ZDHHC21: variants seen among roughly 807,000 people sequenced by gnomAD.
ZDHHC21 encodes zDHHC palmitoyltransferase 21.
A neutral mutation model predicts 34.6 loss-of-function variants in ZDHHC21; 15 were observed. The ratio of observed to expected loss-of-function variants is 0.43; its 90% CI spans 0.29 to 0.67. ZDHHC21 has a LOEUF of 0.67. Ranked by LOEUF, ZDHHC21 falls within the 30% of genes least tolerant of loss-of-function variation. The probability of loss-of-function intolerance (pLI) is 0.14; values close to 1 mark genes in which losing one functional copy is unlikely to be tolerated. For synonymous variants in ZDHHC21, 142 were observed against 101.8 expected, an observed-to-expected ratio of 1.40 and a Z score of -2.38; for missense variants, 344 against 327.7, an observed-to-expected ratio of 1.05 and a Z score of -0.38.
intron 8 of ZDHHC21, among the ~76,000 whole-genome samples, chr9:14,626,850 A>G (rs1826326084): frequency 6.6e-6 from 1 of 152,112 alleles, no homozygotes; most frequent in Admixed American, 6.5e-5. Context: ...TCTAGGTTTT[A>G]AAAAAGCTAT....
At chr9:14,672,175 A>T (rs1835588287) in intron 5 of ZDHHC21, among the ~76,000 whole-genome samples, 1 of 152,122 alleles carries the variant, frequency 6.6e-6, no homozygotes, top group South Asian at 2.1e-4. Context: ...TAAAATCACC[A>T]AAGTATTAGG....
intron 8 of ZDHHC21, among the ~76,000 whole-genome samples, chr9:14,632,066 C>CA (rs2133595529): frequency 6.6e-6 from 1 of 150,572 alleles, no homozygotes; most frequent in African/African-American, 2.4e-5. Flanking sequence ...CACACACAAA[C>CA]ACACACACAC....
chr9:14,600,444 A>T, the ZDHHC21 span, among the ~76,000 whole-genome samples: 4 of 152,214 alleles, frequency 2.6e-5, no homozygotes, highest in Admixed American at 2.6e-4. Flanking sequence ...ACAACTTACA[A>T]GGAATGTGAA....
Position 14,659,173 on chromosome 9 carries a change from A to G in ZDHHC21, c.366-286T>C, listed in dbSNP as rs752986790. Among the ~76,000 whole-genome samples the G allele has an allele frequency of 2.0e-5, 3 of 152,130 alleles. No homozygotes were observed. The East Asian group carries it at 5.8e-4, about 29-fold the overall frequency. ...GACGGTAGTCTCCTGTGTCACTGAT[A>G]TGGAAACAGGGAACAAAGGAGCTAA... On this transcript the variant is annotated intron_variant, in intron 6 of 9. Transcript: ENST00000380916.
chr9:14,640,740 T>C (rs1829235249), intron 7 of ZDHHC21, among the ~76,000 whole-genome samples: 1 of 152,160 alleles, frequency 6.6e-6, no homozygotes, highest in Non-Finnish European at 1.5e-5. Flanking sequence ...TGCAGAGTAC[T>C]GTAGAAACAT....
intron 7 of ZDHHC21, among the ~76,000 whole-genome samples, chr9:14,645,628 A>G (rs962734495): frequency 6.6e-6 from 1 of 152,138 alleles, no homozygotes; most frequent in Non-Finnish European, 1.5e-5. Context: ...ACCTCTGTTT[A>G]CCAAAAAATG....
At chr9:14,590,849 GA>G in the ZDHHC21 span, among the ~76,000 whole-genome samples, 5 of 152,088 alleles carry the variant, frequency 3.3e-5, no homozygotes, top group Non-Finnish European at 7.4e-5. Flanking sequence ...AAATTTGAAA[GA>G]TATTTTTCCT....
At chr9:14,621,141 A>T (rs1394824917) in intron 8 of ZDHHC21, among the ~76,000 whole-genome samples, 3 of 152,074 alleles carry the variant, frequency 2.0e-5, no homozygotes, top group Admixed American at 6.6e-5. Context: ...AACAACTTAC[A>T]CAAAAGTACG....
At chr9:14,663,987 T>C (rs538227555) in intron 5 of ZDHHC21, among the ~76,000 whole-genome samples, 2 of 152,138 alleles carry the variant, frequency 1.3e-5, no homozygotes, top group East Asian at 1.9e-4. Context: ...TGTTAAAACT[T>C]TGAATTCGGG....
At position 14,613,370 on chromosome 9, in the gene ZDHHC21, TG is replaced by T; in HGVS notation, c.*5595del. On this transcript the variant is annotated 3_prime_UTR_variant, in exon 10 of 10. Transcript: ENST00000380916. ...GAATAGCACCAGGATGTTTTATAGT[TG>T]TTGAGGTTATAAAACACGAACTTCA... 6.6e-6 allele frequency: 1 copy of T among 151,856 alleles called. No individual in the cohort carries two copies. Among genetic ancestry groups the T allele is most frequent in the African/African-American group, 2.4e-5 (1 of 41,418 alleles). 9.4% of individuals were successfully genotyped at this position (151,856 alleles called of 1,614,324 possible).
At chr9:14,603,815 G>A in the ZDHHC21 span, among the ~76,000 whole-genome samples, 12 of 152,204 alleles carry the variant, frequency 7.9e-5, no homozygotes, top group African/African-American at 2.6e-4. Flanking sequence ...TAGAGGGGTC[G>A]AACTCTAAGT....
chr9:14,646,069 T>C (rs1036044018), intron 7 of ZDHHC21, among the ~76,000 whole-genome samples: 2 of 152,158 alleles, frequency 1.3e-5, no homozygotes, highest in African/African-American at 2.4e-5. Context: ...GTGAAACACA[T>C]GCACATGGAC....
chr9:14,619,105 A>C lies in ZDHHC21; in HGVS notation c.666-7T>G, dbSNP rs778050953. 6.3e-7 allele frequency: 1 copy of C among 1,598,148 alleles called. No individual in the cohort carries two copies. The highest frequency in any genetic ancestry group is 1.1e-5 in the South Asian group (1 of 88,460). ...TGGCTTTCGGGGCCTCGATCTACAG[A>C]AGACAGCATTATTAGTGAAAGACAG... is the stretch of plus-strand genomic sequence containing the variant. On this transcript the variant is annotated splice_region_variant and splice_polypyrimidine_tract_variant and intron_variant, in intron 9 of 9. Transcript: ENST00000380916.
At chr9:14,687,728 T>C (rs776365887) in intron 2 of ZDHHC21, among the ~76,000 whole-genome samples, 1 of 150,760 alleles carries the variant, frequency 6.6e-6, no homozygotes, top group Non-Finnish European at 1.5e-5. Flanking sequence ...ATTCAAAAAA[T>C]TGGAACAACA....
intron 8 of ZDHHC21, among the ~76,000 whole-genome samples, chr9:14,627,033 C>T (rs534802934): frequency 2.6e-5 from 4 of 152,150 alleles, no homozygotes; most frequent in East Asian, 3.9e-4. Context: ...GTCTGCAATG[C>T]TGACCTGGAG....
At chr9:14,619,420 A>G (rs1423371533) in intron 9 of ZDHHC21, among the ~76,000 whole-genome samples, 1 of 152,130 alleles carries the variant, frequency 6.6e-6, no homozygotes, top group Non-Finnish European at 1.5e-5. Flanking sequence ...TACTTTAGTT[A>G]GACAAGGCAC....
intron 4 of ZDHHC21, 102 bp downstream of exon 4, chr9:14,674,085 C>T: frequency 1.4e-6 from 1 of 698,162 alleles, no homozygotes; most frequent in Non-Finnish European, 2.2e-6. Flanking sequence ...TGCTAAAATA[C>T]TAAATATATT....
intron 8 of ZDHHC21, among the ~76,000 whole-genome samples, chr9:14,628,263 A>G (rs73644813): frequency 0.061 from 9,214 of 152,180 alleles, 932 homozygotes; most frequent in African/African-American, 0.21. Context: ...GGTCACAGAT[A>G]ATCTACTCTT....
At position 14,660,976 on chromosome 9, in the gene ZDHHC21, G is replaced by A. The variant is rs147313153; in HGVS notation, c.365+1239C>T. On this transcript the variant is annotated intron_variant, in intron 6 of 9. Coordinates refer to ENST00000380916, the MANE Select transcript of ZDHHC21 (RefSeq NM_178566.6). ...AGCTTTCTAAAAATCTATTACTATT[G>A]TGAGAGCAAACAGATCACTGAGCTT... Among the ~76,000 whole-genome samples the A allele has an allele frequency of 7.0e-3, 1,072 of 152,182 alleles. 14 individuals are homozygous for A. Among genetic ancestry groups the A allele is most frequent in the African/African-American group, 0.024 (999 of 41,524 alleles).
Sources: allele counts gnomAD v4.1 joint callset (sites outside exome capture counted in the v4.1 genomes callset), GRCh38; gene constraint gnomAD v4.1.1; transcripts MANE v1.5; gene names NCBI Gene and HGNC (gene_info 2026-07-23, HGNC 2026-07-21).